The following ARHGAP20 variants were observed in gnomAD, a reference collection of about 807,000 sequenced individuals.
ARHGAP20 encodes Rho GTPase activating protein 20.
Under a neutral mutation model 73.7 loss-of-function variants are expected in ARHGAP20, and 34 were observed. The ratio of observed to expected loss-of-function variants is 0.46; its 90% CI spans 0.35 to 0.61. The LOEUF (loss-of-function observed/expected upper bound fraction) is 0.61, where lower values mean the gene tolerates loss of function less well. ARHGAP20 is among the 20% of genes least tolerant of loss of function. ARHGAP20 has a pLI of 0.00. For synonymous variants in ARHGAP20, 523 were observed against 518.2 expected, an observed-to-expected ratio of 1.01 and a Z score of -0.13; for missense variants, 1,314 against 1,420.9, an observed-to-expected ratio of 0.92 and a Z score of 1.21.
intron 10 of ARHGAP20, 58 bp from the exon 11 acceptor site, chr11:110,590,867 T>A: frequency 6.5e-7 from 1 of 1,529,920 alleles, no homozygotes. Context: ...CAAGGGAATG[T>A]ACACTTGCCC....
chr11:110,601,999 T>A (rs1046158794), intron 9 of ARHGAP20, among the ~76,000 whole-genome samples: 10 of 148,302 alleles, frequency 6.7e-5, no homozygotes, highest in South Asian at 2.1e-4. Flanking sequence ...AAAAAAAAAA[T>A]TTTACTGTCT....
Position 110,621,074 on chromosome 11 carries a change from C to CAAAAA in ARHGAP20, c.503+3083_503+3087dup, listed in dbSNP as rs34424855. Among the ~76,000 whole-genome samples, 26 of 46,758 alleles carry CAAAAA rather than the reference C, an allele frequency of 5.6e-4. 1 individual carries two copies. Among genetic ancestry groups the CAAAAA allele is most frequent in the African/African-American group, 2.0e-3 (22 of 11,050 alleles). 30.7% of individuals were successfully genotyped at this position (46,758 alleles called of 152,430 possible). A position where few individuals can be genotyped will look rare whatever the true frequency, so the allele number is the denominator to read the frequency against. On this transcript the variant is annotated intron_variant, in intron 4 of 14. Transcript: ENST00000683387. ...GGGCAACAAGAGTAAAACTCCATCT[C>CAAAAA]AAAAAAAAAAAAAAAAAAAAAAAGC...
chr11:110,630,707 C>T lies in ARHGAP20; in HGVS notation c.274G>A (p.Ala92Thr). 1.9e-6 allele frequency: 3 copies of T among 1,614,050 alleles called. No individual in the cohort carries two copies. The highest frequency in any genetic ancestry group is 1.1e-5 in the South Asian group (1 of 91,080). The change falls in exon 3 of 15, where the codon GCA (alanine) becomes ACA (threonine). Residue 92 changes from alanine to threonine, a missense_variant. Transcript: ENST00000683387. ...SNRTLLIDGR[A>T]ELKRGLQRQE... is the part of the protein sequence containing the mutation. Reference sequence around the variant, plus strand: ...CTCTGGAGGCCTCTTTTGAGTTCTGCCCGGCCATCAATCAGCAGAGTCCTA... The same window carrying T: ...CTCTGGAGGCCTCTTTTGAGTTCTGTCCGGCCATCAATCAGCAGAGTCCTA...
At chr11:110,621,760 T>A (rs1421990057) in intron 4 of ARHGAP20, among the ~76,000 whole-genome samples, 1 of 152,246 alleles carries the variant, frequency 6.6e-6, no homozygotes, top group South Asian at 2.1e-4. Flanking sequence ...TTGGTCTCTA[T>A]TGATTATCTT....
chr11:110,632,408 T>A (rs1181346649), intron 2 of ARHGAP20, among the ~76,000 whole-genome samples: 1 of 152,134 alleles, frequency 6.6e-6, no homozygotes, highest in African/African-American at 2.4e-5. Context: ...AATTAGGATT[T>A]TTTTTTCTTA....
At chr11:110,700,952 G>A (rs1591190927) in intron 1 of ARHGAP20, among the ~76,000 whole-genome samples, 1 of 151,278 alleles carries the variant, frequency 6.6e-6, no homozygotes, top group South Asian at 2.1e-4. Flanking sequence ...GTATTCCATG[G>A]TGTATATGTG....
chr11:110,680,990 G>C lies in ARHGAP20; in HGVS notation c.188+9557C>G, dbSNP rs1450914577. On this transcript the variant is annotated intron_variant, in intron 2 of 14. Coordinates refer to ENST00000683387, the MANE Select transcript of ARHGAP20 (RefSeq NM_001384657.1). ...AACTTTGAAAAATGTTCCTTGCAAG[G>C]AAAAAAAAGTGGGGTTTTGCAGGCT... 2.0e-5 allele frequency among the ~76,000 whole-genome samples: 3 copies of C among 151,700 alleles called. No homozygotes were observed. The South Asian group carries it at 6.2e-4, about 31-fold the overall frequency.
chr11:110,682,558 C>T (rs536913801), intron 2 of ARHGAP20, among the ~76,000 whole-genome samples: 2 of 152,228 alleles, frequency 1.3e-5, no homozygotes, highest in Non-Finnish European at 2.9e-5. Context: ...AACTATGTGA[C>T]CTAGAGGAAG....
chr11:110,686,665 T>A (rs1950138122), intron 2 of ARHGAP20, among the ~76,000 whole-genome samples: 1 of 152,122 alleles, frequency 6.6e-6, no homozygotes, highest in Admixed American at 6.5e-5. Flanking sequence ...TATTATATTC[T>A]ATACTTAAAA....
intron 1 of ARHGAP20, among the ~76,000 whole-genome samples, chr11:110,701,077 T>C (rs1950440310): frequency 6.6e-6 from 1 of 151,790 alleles, no homozygotes; most frequent in Non-Finnish European, 1.5e-5. Context: ...TATAGCAGCA[T>C]GATTTATAGT....
At position 110,577,651 on chromosome 11, in the gene ARHGAP20, C is replaced by T. The variant is rs1947323321; in HGVS notation, c.*1719G>A. On this transcript the variant is annotated 3_prime_UTR_variant, in exon 15 of 15. Coordinates refer to ENST00000683387, the MANE Select transcript of ARHGAP20 (RefSeq NM_001384657.1). ...CACTTAGAAGTCTTAATATGTAGGACTGGTTAGTTATAAAGTGAAATCGAC... is the reference window on the plus strand; with the variant it reads ...CACTTAGAAGTCTTAATATGTAGGATTGGTTAGTTATAAAGTGAAATCGAC... The T allele has an allele frequency of 1.5e-5, 15 of 985,788 alleles. No individual in the cohort carries two copies. Among genetic ancestry groups the T allele is most frequent in the Non-Finnish European group, 1.6e-5 (13 of 829,956 alleles). The allele number at this position is 985,788 out of a possible 1,614,324, so 61.1% of individuals were successfully genotyped here.
At chr11:110,626,734 C>CTT (rs796148399) in intron 3 of ARHGAP20, among the ~76,000 whole-genome samples, 2 of 145,502 alleles carry the variant, frequency 1.4e-5, no homozygotes, top group African/African-American at 5.0e-5. Context: ...CAATCTTTGG[C>CTT]TTTTTTTTTT....
chr11:110,641,828 GC>G (rs1949084214), intron 2 of ARHGAP20, among the ~76,000 whole-genome samples: 2 of 152,042 alleles, frequency 1.3e-5, no homozygotes, highest in African/African-American at 4.8e-5. Flanking sequence ...TTTGTGTGTG[GC>G]CTGCTGACTT....
At chr11:110,631,166 G>C (rs1261261198) in intron 2 of ARHGAP20, among the ~76,000 whole-genome samples, 1 of 152,098 alleles carries the variant, frequency 6.6e-6, no homozygotes, top group Non-Finnish European at 1.5e-5. Flanking sequence ...TCATTAACTA[G>C]AGTTCAATTA....
intron 2 of ARHGAP20, among the ~76,000 whole-genome samples, chr11:110,650,661 G>C (rs1455373120): frequency 1.3e-5 from 2 of 152,068 alleles, no homozygotes; most frequent in East Asian, 3.9e-4. Context: ...AAGGAAGAGG[G>C]GAGAATTCAG....
chr11:110,696,189 A>C (rs527282023), intron 1 of ARHGAP20, among the ~76,000 whole-genome samples: 52 of 151,590 alleles, frequency 3.4e-4, no homozygotes, highest in Admixed American at 1.1e-3. Context: ...GATGATAGCT[A>C]AGGGGGTTCA....
chr11:110,692,825 A>G, intron 1 of ARHGAP20, among the ~76,000 whole-genome samples: 1 of 151,986 alleles, frequency 6.6e-6, no homozygotes, highest in Admixed American at 6.6e-5. Context: ...TGAGGCAAAA[A>G]GAAATGAGGA....
intron 1 of ARHGAP20, among the ~76,000 whole-genome samples, chr11:110,701,358 G>A (rs1469876576): frequency 6.6e-6 from 1 of 151,834 alleles, no homozygotes; most frequent in Non-Finnish European, 1.5e-5. Flanking sequence ...ATTTTTTCAT[G>A]TGTTTTTTGG....
intron 1 of ARHGAP20, chr11:110,711,876 G>C: frequency 1.5e-6 from 2 of 1,312,660 alleles, no homozygotes; most frequent in Non-Finnish European, 1.9e-6. Context: ...CGGGAGGGAG[G>C]CTGCGAGGTC....
Sources: allele counts gnomAD v4.1 joint callset (sites outside exome capture counted in the v4.1 genomes callset), GRCh38; gene constraint gnomAD v4.1.1; transcripts MANE v1.5; gene names NCBI Gene and HGNC (gene_info 2026-07-23, HGNC 2026-07-21).